Variants in THSD7A observed in about 807,000 individuals in gnomAD.
The protein encoded by THSD7A is thrombospondin type 1 domain containing 7A.
THSD7A carries 96 observed loss-of-function variants against 231.3 expected under a neutral mutation model. The ratio of observed to expected loss-of-function variants is 0.41; its 90% CI spans 0.35 to 0.49. The LOEUF (loss-of-function observed/expected upper bound fraction) is 0.49, where lower values mean the gene tolerates loss of function less well. Ranked by LOEUF, THSD7A falls within the 20% of genes least tolerant of loss-of-function variation. The pLI, the probability that THSD7A is intolerant of heterozygous loss-of-function variation, is 0.05. For missense variants in THSD7A, 2,290 were observed against 2,070.2 expected (o/e 1.11, Z -2.06); for synonymous variants, 940 against 743.3 (o/e 1.26, Z -4.30).
chr7:11,688,872 G>T (rs766731774), intron 1 of THSD7A, among the ~76,000 whole-genome samples: 1 of 151,746 alleles, frequency 6.6e-6, no homozygotes, highest in African/African-American at 2.4e-5. Context: ...GGGATTTGTA[G>T]TAAAGTAAGT....
chr7:11,680,045 A>G (rs1256590964), intron 1 of THSD7A, among the ~76,000 whole-genome samples: 1 of 151,824 alleles, frequency 6.6e-6, no homozygotes, highest in African/African-American at 2.4e-5. Flanking sequence ...AACATCACAC[A>G]TCTACAACCA....
chr7:11,435,298 G>T (rs2128291689), intron 13 of THSD7A, among the ~76,000 whole-genome samples: 1 of 152,196 alleles, frequency 6.6e-6, no homozygotes, highest in Admixed American at 6.6e-5. Flanking sequence ...TCTCGGCCCT[G>T]AAATTTCACT....
At chr7:11,547,593 C>G (rs1262680886) in intron 4 of THSD7A, among the ~76,000 whole-genome samples, 8 of 152,124 alleles carry the variant, frequency 5.3e-5, no homozygotes, top group African/African-American at 1.9e-4. Context: ...TGACCATATG[C>G]TTGAACATAA....
intron 1 of THSD7A, among the ~76,000 whole-genome samples, chr7:11,719,022 G>A (rs17246341): frequency 6.6e-6 from 1 of 151,470 alleles, no homozygotes; most frequent in Non-Finnish European, 1.5e-5. Flanking sequence ...AAGAAGAGCA[G>A]GACTATGTAT....
intron 1 of THSD7A, among the ~76,000 whole-genome samples, chr7:11,829,124 T>C (rs1055291052): frequency 3.3e-5 from 5 of 152,142 alleles, no homozygotes; most frequent in South Asian, 2.1e-4. Context: ...ACTGTTCATG[T>C]TATCTGTAAG....
chr7:11,584,870 G>A (rs1791328555), intron 4 of THSD7A, among the ~76,000 whole-genome samples: 1 of 152,176 alleles, frequency 6.6e-6, no homozygotes, highest in African/African-American at 2.4e-5. Context: ...AGAGATAAAA[G>A]GCAGTGTGAG....
At chr7:11,719,075 T>C (rs549320683) in intron 1 of THSD7A, among the ~76,000 whole-genome samples, 15 of 151,810 alleles carry the variant, frequency 9.9e-5, no homozygotes, top group African/African-American at 3.1e-4. Flanking sequence ...TATGCGCTCA[T>C]GTGTGTTTTT....
chr7:11,431,831 T>A (rs1784486933), intron 13 of THSD7A, among the ~76,000 whole-genome samples: 1 of 152,128 alleles, frequency 6.6e-6, no homozygotes, highest in Admixed American at 6.6e-5. Flanking sequence ...TTTATATAGA[T>A]CTTTAATTTC....
chr7:11,410,250 T>C (rs1783735604), intron 19 of THSD7A, among the ~76,000 whole-genome samples: 2 of 127,538 alleles, frequency 1.6e-5, no homozygotes, highest in African/African-American at 3.3e-5. Flanking sequence ...TGAACGGAGA[T>C]GTAAGAAAGT....
At chr7:11,565,064 C>T (rs1050614008) in intron 4 of THSD7A, among the ~76,000 whole-genome samples, 1 of 152,090 alleles carries the variant, frequency 6.6e-6, no homozygotes, top group African/African-American at 2.4e-5. Context: ...CTAAATAGGA[C>T]ATGTTGTAGA....
At chr7:11,728,681 G>A (rs1781625420) in intron 1 of THSD7A, among the ~76,000 whole-genome samples, 1 of 151,702 alleles carries the variant, frequency 6.6e-6, no homozygotes, top group Non-Finnish European at 1.5e-5. Flanking sequence ...TGTACTTTGA[G>A]GTTTGCATTG....
At chr7:11,574,311 G>A (rs1404051501) in intron 4 of THSD7A, among the ~76,000 whole-genome samples, 1 of 151,952 alleles carries the variant, frequency 6.6e-6, no homozygotes, top group Non-Finnish European at 1.5e-5. Flanking sequence ...AATAGTGTTT[G>A]TGCTGTTCAT....
intron 1 of THSD7A, among the ~76,000 whole-genome samples, chr7:11,697,257 T>C (rs1423915016): frequency 6.6e-6 from 1 of 151,426 alleles, no homozygotes; most frequent in Non-Finnish European, 1.5e-5. Flanking sequence ...TGCATTACAT[T>C]TTCCATACCT....
chr7:11,455,304 A>G (rs1785271969), intron 11 of THSD7A, among the ~76,000 whole-genome samples: 1 of 152,106 alleles, frequency 6.6e-6, no homozygotes. Flanking sequence ...GTTTTGTTAT[A>G]GAAGCCCAAG....
chr7:11,532,087 C>T (rs1053807071), intron 6 of THSD7A, among the ~76,000 whole-genome samples: 5 of 152,026 alleles, frequency 3.3e-5, no homozygotes, highest in African/African-American at 1.2e-4. Flanking sequence ...AGAACATTAT[C>T]TTGAGACCAC....
chr7:11,501,111 A>T (rs1291657319), intron 6 of THSD7A, among the ~76,000 whole-genome samples: 3 of 152,124 alleles, frequency 2.0e-5, no homozygotes, highest in Non-Finnish European at 4.4e-5. Flanking sequence ...TCAACACAGG[A>T]ACACCCAGAT....
intron 6 of THSD7A, among the ~76,000 whole-genome samples, chr7:11,522,965 C>A (rs544808151): frequency 6.2e-4 from 95 of 152,130 alleles, no homozygotes; most frequent in African/African-American, 2.1e-3. Flanking sequence ...GAATTTGAAT[C>A]CAAAGGAACC....
intron 1 of THSD7A, among the ~76,000 whole-genome samples, chr7:11,745,008 G>A (rs1782238490): frequency 6.6e-6 from 1 of 151,902 alleles, no homozygotes; most frequent in Non-Finnish European, 1.5e-5. Flanking sequence ...GATCCCTGAG[G>A]AATCGCCACA....
At chr7:11,449,360 G>T (rs1241261154) in intron 11 of THSD7A, among the ~76,000 whole-genome samples, 4 of 151,948 alleles carry the variant, frequency 2.6e-5, no homozygotes, top group Non-Finnish European at 5.9e-5. Flanking sequence ...CCTGCTATGG[G>T]GTCAGGAATA....
Sources: gnomAD v4.1 joint callset for allele counts (sites outside exome capture counted in the v4.1 genomes callset) on GRCh38, gnomAD v4.1.1 for gene constraint, MANE v1.5 for transcripts, NCBI Gene and HGNC (gene_info 2026-07-23, HGNC 2026-07-21) for gene names.